Variants in ATG7 observed in about 807,000 individuals in gnomAD.
ATG7 encodes ubiquitin-like modifier-activating enzyme ATG7.
In ATG7, 70 loss-of-function variants were observed where a neutral mutation model predicts 82.4. The observed-to-expected ratio is 0.85, with a 90% CI of 0.70 to 1.04. The LOEUF is 1.04. Among genes scored for constraint, ATG7 ranks in the 50% least tolerant of loss-of-function variants. ATG7 has a pLI of 0.00. For synonymous variants in ATG7, 287 were observed against 313.0 expected, an observed-to-expected ratio of 0.92 and a Z score of 0.88; for missense variants, 792 against 864.3, an observed-to-expected ratio of 0.92 and a Z score of 1.05.
Position 11,424,572 on chromosome 3 carries a change from G to A in ATG7, c.1957-2232G>A, listed in dbSNP as rs149672790. Among the ~76,000 whole-genome samples the A allele has an allele frequency of 7.4e-3, 1,092 of 148,370 alleles. 16 individuals carry two copies. Among genetic ancestry groups the A allele is most frequent in the African/African-American group, 0.025 (1,035 of 40,796 alleles). On this transcript the variant is annotated intron_variant, in intron 19 of 20. Transcript: ENST00000693202. ...ATTAAATTATGGTGTATTTATTATC[G>A]GTGGCAATTAAATAATTTTAATTTT...
chr3:11,317,584 CTTTTTTTTTT>C (rs370026914), intron 9 of ATG7, among the ~76,000 whole-genome samples: 1 of 114,482 alleles, frequency 8.7e-6, no homozygotes, highest in African/African-American at 3.2e-5. Context: ...TTCTTTCTTT[CTTTTTTTTTT>C]TTTTTTTTTT....
intron 9 of ATG7, 43 bp from the exon 10 acceptor site, chr3:11,331,297 G>C (rs758315688): frequency 6.9e-7 from 1 of 1,448,536 alleles, no homozygotes. Flanking sequence ...TTGTGAAGCT[G>C]ACATGATACT....
chr3:11,555,057 G>T lies in ATG7; in HGVS notation c.*214G>T. On this transcript the variant is annotated 3_prime_UTR_variant, in exon 21 of 21. Coordinates refer to ENST00000693202, the MANE Select transcript of ATG7 (RefSeq NM_001349232.2). ...CAGTTCAGAGCTAAATAATAACCTTGGCCTTGGCCTTGCTATTGACCTGGG... is the reference window on the plus strand; with the variant it reads ...CAGTTCAGAGCTAAATAATAACCTTTGCCTTGGCCTTGCTATTGACCTGGG... The T allele has an allele frequency of 1.7e-6, 1 of 575,510 alleles. No homozygotes were observed. The highest frequency in any genetic ancestry group is 3.1e-5 in the East Asian group (1 of 31,940). 35.7% of individuals were successfully genotyped at this position (575,510 alleles called of 1,614,324 possible). A position where few individuals can be genotyped will look rare whatever the true frequency, so the allele number is the denominator to read the frequency against.
chr3:11,369,078 A>G (rs1208233834), intron 18 of ATG7, among the ~76,000 whole-genome samples: 1 of 150,764 alleles, frequency 6.6e-6, no homozygotes, highest in African/African-American at 2.5e-5. Context: ...TGGAGCTGGG[A>G]TCTCTAGCCA....
At chr3:11,510,321 G>C (rs1317319154) in intron 20 of ATG7, 1 of 455,192 alleles carries the variant, frequency 2.2e-6, no homozygotes, top group East Asian at 7.0e-5. Context: ...ATTCATACTT[G>C]AATGTATAAT....
At chr3:11,517,979 C>T (rs2092331128) in intron 20 of ATG7, among the ~76,000 whole-genome samples, 1 of 152,146 alleles carries the variant, frequency 6.6e-6, no homozygotes, top group South Asian at 2.1e-4. Flanking sequence ...CAAGGAGTCC[C>T]AGTCAGAGAG....
intron 19 of ATG7, among the ~76,000 whole-genome samples, chr3:11,383,422 T>A (rs2078066342): frequency 6.6e-6 from 1 of 152,196 alleles, no homozygotes; most frequent in African/African-American, 2.4e-5. Flanking sequence ...TGTCAGGAGT[T>A]ATATAATATA....
At chr3:11,559,743 G>C (rs181186663), downstream of ATG7, among the ~76,000 whole-genome samples, 119 of 152,296 alleles carry the variant, frequency 7.8e-4, no homozygotes, top group African/African-American at 2.5e-3. Context: ...TCTCAAATCT[G>C]TTAAGACAAA....
chr3:11,566,943 G>T, the ATG7 span, among the ~76,000 whole-genome samples: 1 of 152,184 alleles, frequency 6.6e-6, no homozygotes, highest in African/African-American at 2.4e-5. Flanking sequence ...AGGTATCGTG[G>T]AGTGGAACTG....
intron 20 of ATG7, among the ~76,000 whole-genome samples, chr3:11,483,692 A>G (rs1428602318): frequency 6.6e-6 from 1 of 152,200 alleles, no homozygotes; most frequent in African/African-American, 2.4e-5. Flanking sequence ...TCTACAAGAC[A>G]CTATTATTAT....
At chr3:11,272,837 C>G (rs1940781192) in intron 1 of ATG7, 1 of 152,246 alleles carries the variant, frequency 6.6e-6, no homozygotes, top group South Asian at 2.1e-4. Flanking sequence ...TTTCCATCTG[C>G]AAAATGGGAA....
chr3:11,458,867 G>A (rs936266797), intron 20 of ATG7, among the ~76,000 whole-genome samples: 1 of 152,160 alleles, frequency 6.6e-6, no homozygotes, highest in African/African-American at 2.4e-5. Context: ...GAGCATTAAC[G>A]CCTGTGCTCT....
intron 20 of ATG7, among the ~76,000 whole-genome samples, chr3:11,498,326 T>C (rs376641595): frequency 5.3e-5 from 8 of 152,326 alleles, no homozygotes; most frequent in African/African-American, 1.9e-4. Context: ...TGGGATGATA[T>C]TTTTGGCAGC....
At position 11,388,838 on chromosome 3, in the gene ATG7, C is replaced by G. The variant is rs1183293297; in HGVS notation, c.1956+8786C>G. Among the ~76,000 whole-genome samples, 9 of 152,230 alleles carry G rather than the reference C, an allele frequency of 5.9e-5. No individual in the cohort carries two copies. In the East Asian group the frequency reaches 1.7e-3, roughly 29 times the overall value. On this transcript the variant is annotated intron_variant, in intron 19 of 20. Transcript: ENST00000693202. ...GGAACATGGACTTGTAACTGCTACC[C>G]AGCTGCTGAAACAAGGGAGCCATCA... is the stretch of plus-strand genomic sequence containing the variant.
intron 20 of ATG7, among the ~76,000 whole-genome samples, chr3:11,551,385 CA>C (rs2071764981): frequency 6.6e-6 from 1 of 152,192 alleles, no homozygotes; most frequent in Admixed American, 6.5e-5. Context: ...TTAATGTATT[CA>C]CTTTGAGAAA....
At chr3:11,396,301 G>A (rs1576052598) in intron 19 of ATG7, among the ~76,000 whole-genome samples, 1 of 151,938 alleles carries the variant, frequency 6.6e-6, no homozygotes, top group East Asian at 1.9e-4. Flanking sequence ...ACAAAAATTA[G>A]CCAGACGCAT....
chr3:11,366,079 G>A (rs564361985), intron 18 of ATG7, among the ~76,000 whole-genome samples: 2 of 151,904 alleles, frequency 1.3e-5, no homozygotes, highest in Non-Finnish European at 2.9e-5. Flanking sequence ...TTAGCTGAGC[G>A]TGATAGTGTG....
At chr3:11,425,564 C>T (rs1480622856) in intron 19 of ATG7, among the ~76,000 whole-genome samples, 1 of 152,192 alleles carries the variant, frequency 6.6e-6, no homozygotes, top group Non-Finnish European at 1.5e-5. Context: ...TTCACAGTCC[C>T]TGTGATCACT....
At chr3:11,434,232 A>G (rs567403819) in intron 20 of ATG7, among the ~76,000 whole-genome samples, 2 of 152,328 alleles carry the variant, frequency 1.3e-5, no homozygotes, top group South Asian at 2.1e-4. Flanking sequence ...CAACAGTCAG[A>G]TATTTATGTA....
Sources: gnomAD v4.1 joint callset for allele counts (sites outside exome capture counted in the v4.1 genomes callset) on GRCh38, gnomAD v4.1.1 for gene constraint, MANE v1.5 for transcripts, NCBI Gene and HGNC (gene_info 2026-07-23, HGNC 2026-07-21) for gene names.